EBF3: variants seen among roughly 807,000 people sequenced by gnomAD.
The protein encoded by EBF3 is EBF transcription factor 3.
In EBF3, 18 loss-of-function variants were observed where a neutral mutation model predicts 77.1. The observed-to-expected ratio is 0.23, with a 90% confidence interval of 0.16 to 0.35. The LOEUF (loss-of-function observed/expected upper bound fraction) is 0.35. Ranked by LOEUF, EBF3 falls within the 10% of genes least tolerant of loss-of-function variation. The pLI is 1.00. For synonymous variants in EBF3, 350 were observed against 343.5 expected (o/e 1.02, Z -0.21); for missense variants, 558 against 860.0 (o/e 0.65, Z 4.39).
At chr10:129,915,497 C>A (rs766826373) in intron 6 of EBF3, among the ~76,000 whole-genome samples, 2,534 of 83,660 alleles carry the variant, frequency 0.03, 23 homozygotes, top group Non-Finnish European at 0.047. Context: ...CACACACACA[C>A]AAAAAAGCCA....
At chr10:129,945,464 G>A (rs867790043) in intron 6 of EBF3, among the ~76,000 whole-genome samples, 5 of 152,170 alleles carry the variant, frequency 3.3e-5, no homozygotes, top group Admixed American at 1.3e-4. Context: ...TAAATCACAC[G>A]GATTCCGTAC....
intron 8 of EBF3, among the ~76,000 whole-genome samples, chr10:129,868,914 CA>C (rs1334798564): frequency 6.6e-6 from 1 of 152,244 alleles, no homozygotes; most frequent in Non-Finnish European, 1.5e-5. Context: ...CGGAGCCTGT[CA>C]CCTGCAGGGC....
chr10:129,946,006 T>C (rs1243320762), intron 6 of EBF3, among the ~76,000 whole-genome samples: 1 of 151,406 alleles, frequency 6.6e-6, no homozygotes, highest in African/African-American at 2.4e-5. Context: ...ATCGCTACTA[T>C]TTCCTTCCAA....
rs963636897 is a variant in EBF3, at chr10:129,947,333, T to C, written c.554+9925A>G. 6.6e-6 allele frequency among the ~76,000 whole-genome samples: 1 copy of C among 152,220 alleles called. No individual in the cohort carries two copies. Among genetic ancestry groups the C allele is most frequent in the African/African-American group, 2.4e-5 (1 of 41,456 alleles). ...ACTCTGTCTCGTATTAAATACCACA[T>C]ATAACTCTCAGCAGGTTTTATGTTG... is the stretch of plus-strand genomic sequence containing the variant. On this transcript the variant is annotated intron_variant, in intron 6 of 16. Transcript: ENST00000440978. This position sits in a 1 kb window ranked among gnomAD's most constrained non-coding sequence, Gnocchi z 4.5.
intron 6 of EBF3, among the ~76,000 whole-genome samples, chr10:129,888,456 A>C (rs1267917128): frequency 6.6e-6 from 1 of 152,232 alleles, no homozygotes; most frequent in Non-Finnish European, 1.5e-5. Context: ...AACAAATAAC[A>C]ACATTGTTCA....
chr10:129,910,681 C>T (rs910317768), intron 6 of EBF3, among the ~76,000 whole-genome samples: 1 of 152,172 alleles, frequency 6.6e-6, no homozygotes, highest in African/African-American at 2.4e-5. Flanking sequence ...TCACCTCCCC[C>T]AGAGCCCCAG....
At position 129,848,226 on chromosome 10, in the gene EBF3, G is replaced by A. The variant is rs559198322; in HGVS notation, c.1128+166C>T. Among the ~76,000 whole-genome samples the A allele has an allele frequency of 4.6e-5, 7 of 152,270 alleles. No homozygotes were observed. The East Asian group carries it at 1.2e-3, about 25-fold the overall frequency. On this transcript the variant is annotated intron_variant, in intron 11 of 16. Coordinates refer to ENST00000440978, the MANE Select transcript of EBF3 (RefSeq NM_001375380.1). The surrounding 1 kb of genome is among the most constrained non-coding windows in gnomAD (Gnocchi z 4.4). Reference sequence around the variant, plus strand: ...CACCCTTCGCCCACCTCTGAAGCTGGTCAGGTGCGGGCCCGGGCAGCTCCT... The same window carrying A: ...CACCCTTCGCCCACCTCTGAAGCTGATCAGGTGCGGGCCCGGGCAGCTCCT...
chr10:129,939,238 CA>C (rs1321210832), intron 6 of EBF3, among the ~76,000 whole-genome samples: 1 of 152,198 alleles, frequency 6.6e-6, no homozygotes, highest in Non-Finnish European at 1.5e-5. Flanking sequence ...TGCTGGCTGG[CA>C]GCCCTGGCCC....
chr10:129,927,773 C>G (rs1185397102), intron 6 of EBF3, among the ~76,000 whole-genome samples: 1 of 152,228 alleles, frequency 6.6e-6, no homozygotes, highest in Non-Finnish European at 1.5e-5. Flanking sequence ...GGGCTCCTCC[C>G]TGCTCAGTTA....
intron 6 of EBF3, among the ~76,000 whole-genome samples, chr10:129,917,651 C>CAGA (rs1855974596): frequency 4.2e-5 from 1 of 23,596 alleles, no homozygotes; most frequent in Non-Finnish European, 7.0e-5. Context: ...GACCCTGCCT[C>CAGA]AAAAAAAAAA....
intron 4 of EBF3, among the ~76,000 whole-genome samples, chr10:129,959,705 G>A (rs1399405789): frequency 6.6e-6 from 1 of 151,850 alleles, no homozygotes; most frequent in Non-Finnish European, 1.5e-5. Flanking sequence ...CAGCGACCTG[G>A]CCTCTGCACG....
rs1850629271 is a variant in EBF3, at chr10:129,848,452, G to A, written c.1068C>T (p.Gly356=). 1.2e-6 allele frequency: 2 copies of A among 1,614,110 alleles called. No homozygotes were observed. The highest frequency in any genetic ancestry group is 8.5e-7 in the Non-Finnish European group (1 of 1,180,060). ...TALNEPTIDY[G]FQRLQKVIPR... The stretch of plus-strand genomic sequence containing the variant: ...GGATCACTTTCTGCAACCTCTGAAA[G>A]CCGTAATCTATGGTTGGTTCATTAA... Residue 356 remains glycine, a synonymous_variant, in exon 11 of 17, where the codon GGC becomes GGT. Transcript: ENST00000440978. This position sits in a 1 kb window ranked among gnomAD's most constrained non-coding sequence, Gnocchi z 4.4.
chr10:129,946,119 A>G (rs559712218), intron 6 of EBF3, among the ~76,000 whole-genome samples: 136 of 152,370 alleles, frequency 8.9e-4, no homozygotes, highest in African/African-American at 3.2e-3. Flanking sequence ...ACATGATTAA[A>G]AAGACCGTAG....
At chr10:129,849,169 ACTCCGTC>A (rs1850681154) in intron 10 of EBF3, among the ~76,000 whole-genome samples, 1 of 152,082 alleles carries the variant, frequency 6.6e-6, no homozygotes, top group Non-Finnish European at 1.5e-5. Flanking sequence ...CACGGCCGGG[ACTCCGTC>A]CGACTGCACA....
At chr10:129,874,839 T>G (rs1333484704) in intron 7 of EBF3, among the ~76,000 whole-genome samples, 1 of 152,080 alleles carries the variant, frequency 6.6e-6, no homozygotes, top group East Asian at 1.9e-4. Flanking sequence ...AAGGCCACCA[T>G]AGGCCTTAGT....
chr10:129,892,043 C>G (rs762108630), intron 6 of EBF3, among the ~76,000 whole-genome samples: 2 of 152,238 alleles, frequency 1.3e-5, no homozygotes, highest in African/African-American at 4.8e-5. Context: ...CTCTGGCCAA[C>G]GGCCTGCCTG....
chr10:129,928,637 T>C (rs1046913467), intron 6 of EBF3, among the ~76,000 whole-genome samples: 8 of 152,204 alleles, frequency 5.3e-5, no homozygotes, highest in Non-Finnish European at 7.3e-5. Context: ...GTGGATTCTG[T>C]GTGCAAACTA....
Position 129,848,551 on chromosome 10 carries a change from C to T in EBF3, c.1040-71G>A, listed in dbSNP as rs1200930641. ...TCATCCATTACTCGTTTATTGCACA[C>T]TTACAAATAAATGTGTAGTTCTCCT... On this transcript the variant is annotated intron_variant, in intron 10 of 16. Transcript: ENST00000440978. This position sits in a 1 kb window ranked among gnomAD's most constrained non-coding sequence, Gnocchi z 4.4. 10 of 1,487,476 alleles carry T rather than the reference C, an allele frequency of 6.7e-6. No individual in the cohort carries two copies. Among genetic ancestry groups the T allele is most frequent in the East Asian group, 2.3e-5 (1 of 44,240 alleles). The allele number at this position is 1,487,476 out of a possible 1,614,324, so 92.1% of individuals were successfully genotyped here.
chr10:129,885,401 C>T lies in EBF3; in HGVS notation c.555-7552G>A, dbSNP rs558943593. 6.6e-6 allele frequency among the ~76,000 whole-genome samples: 1 copy of T among 152,328 alleles called. No homozygotes were observed. Among genetic ancestry groups the T allele is most frequent in the African/African-American group, 2.4e-5 (1 of 41,564 alleles). ...TACATCCCAGAGCTACAAGCTTCGT[C>T]AGCCACCCCACTCCGCCCGCTGTCA... On this transcript the variant is annotated intron_variant, in intron 6 of 16. Transcript: ENST00000440978. This position sits in a 1 kb window ranked among gnomAD's most constrained non-coding sequence, Gnocchi z 4.0.
Sources: gnomAD v4.1 joint callset for allele counts (sites outside exome capture counted in the v4.1 genomes callset) on GRCh38, gnomAD v4.1.1 for gene constraint, Gnocchi (gnomAD v3.1) non-coding constraint, MANE v1.5 for transcripts, NCBI Gene and HGNC (gene_info 2026-07-23, HGNC 2026-07-21) for gene names.